Variants in CA10 observed in about 807,000 individuals in gnomAD.
The protein encoded by CA10 is carbonic anhydrase 10 (inactive).
In CA10, 14 loss-of-function variants were observed where a neutral mutation model predicts 44.2. That is an observed-to-expected ratio of 0.32 (90% CI 0.21 to 0.50). The LOEUF (loss-of-function observed/expected upper bound fraction) is 0.50, where lower values mean the gene tolerates loss of function less well. Among genes scored for constraint, CA10 ranks in the 20% least tolerant of loss-of-function variants. The probability of loss-of-function intolerance (pLI) is 0.99; values close to 1 mark genes in which losing one functional copy is unlikely to be tolerated. For synonymous variants in CA10, 159 were observed against 141.6 expected (o/e 1.12, Z -0.87); for missense variants, 350 against 409.7 (o/e 0.85, Z 1.26).
intron 2 of CA10, among the ~76,000 whole-genome samples, chr17:51,938,621 A>C (rs1598128254): frequency 6.6e-6 from 1 of 152,120 alleles, no homozygotes; most frequent in African/African-American, 2.4e-5. Flanking sequence ...GGGAGTTGTC[A>C]GATTACTTAT....
chr17:51,909,196 A>G (rs73348452), intron 3 of CA10, among the ~76,000 whole-genome samples: 1,624 of 152,250 alleles, frequency 0.011, 39 homozygotes, highest in African/African-American at 0.037. Context: ...TCTCTTTCCT[A>G]GCCTCTGTTA....
intron 4 of CA10, among the ~76,000 whole-genome samples, chr17:51,721,736 T>C (rs1916356926): frequency 6.6e-6 from 1 of 152,134 alleles, no homozygotes; most frequent in African/African-American, 2.4e-5. Flanking sequence ...CGAGATTTGA[T>C]GAGCTTCCCG....
chr17:51,872,621 G>A (rs1979869910), intron 3 of CA10, among the ~76,000 whole-genome samples: 1 of 152,122 alleles, frequency 6.6e-6, no homozygotes, highest in Non-Finnish European at 1.5e-5. Flanking sequence ...GGTATACTAG[G>A]TCCTGAACAA....
chr17:51,974,673 T>G (rs923593361), intron 2 of CA10, among the ~76,000 whole-genome samples: 2 of 152,104 alleles, frequency 1.3e-5, no homozygotes, highest in Admixed American at 6.6e-5. Context: ...TGCTGAAAAC[T>G]TATTTTACTA....
At chr17:52,042,567 AT>A (rs999044335) in intron 2 of CA10, among the ~76,000 whole-genome samples, 53 of 151,252 alleles carry the variant, frequency 3.5e-4, no homozygotes, top group African/African-American at 1.3e-3. Flanking sequence ...TTTCATCTTG[AT>A]TTTTTTCTTT....
chr17:51,917,185 A>C (rs1420558531), intron 3 of CA10, among the ~76,000 whole-genome samples: 1 of 152,202 alleles, frequency 6.6e-6, no homozygotes, highest in African/African-American at 2.4e-5. Context: ...TAACACCCCT[A>C]CCATGGTGGA....
chr17:51,861,096 C>T (rs983159867), intron 3 of CA10, among the ~76,000 whole-genome samples: 1 of 152,142 alleles, frequency 6.6e-6, no homozygotes, highest in African/African-American at 2.4e-5. Context: ...GACTAGCAAC[C>T]TGCGTTTCTG....
intron 1 of CA10, among the ~76,000 whole-genome samples, chr17:52,147,387 A>G (rs1266241939): frequency 2.0e-5 from 3 of 152,066 alleles, no homozygotes; most frequent in Admixed American, 2.0e-4. Context: ...GCATAAACAC[A>G]ACTCTCATTC....
intron 3 of CA10, among the ~76,000 whole-genome samples, chr17:51,895,788 CTTTATT>C (rs1253323180): frequency 6.6e-6 from 1 of 151,994 alleles, no homozygotes; most frequent in Non-Finnish European, 1.5e-5. Context: ...GTAGACACTG[CTTTATT>C]TTTATTTGGA....
At chr17:51,953,229 T>C (rs567896516) in intron 2 of CA10, among the ~76,000 whole-genome samples, 1 of 152,290 alleles carries the variant, frequency 6.6e-6, no homozygotes, top group Non-Finnish European at 1.5e-5. Flanking sequence ...TGGATCTAGC[T>C]TTATTTTTCA....
chr17:52,126,171 C>G (rs1054970392), intron 1 of CA10, among the ~76,000 whole-genome samples: 2 of 152,086 alleles, frequency 1.3e-5, no homozygotes, highest in Admixed American at 1.3e-4. Flanking sequence ...CTGGACAAAC[C>G]TGTTAAAGCT....
At chr17:52,151,228 TG>T (rs1161637956) in intron 1 of CA10, among the ~76,000 whole-genome samples, 3 of 152,132 alleles carry the variant, frequency 2.0e-5, no homozygotes, top group African/African-American at 7.2e-5. Flanking sequence ...AGGTTATTTT[TG>T]TAACCCCTAT....
At chr17:52,141,375 G>A (rs1023086505) in intron 1 of CA10, among the ~76,000 whole-genome samples, 4 of 152,112 alleles carry the variant, frequency 2.6e-5, no homozygotes, top group Non-Finnish European at 4.4e-5. Flanking sequence ...TGAAGCTTCC[G>A]AGCTTTTAAA....
chr17:51,956,465 TATTG>T (rs1402104159), intron 2 of CA10, among the ~76,000 whole-genome samples: 1 of 152,234 alleles, frequency 6.6e-6, no homozygotes, highest in Non-Finnish European at 1.5e-5. Context: ...GTAGTTCACT[TATTG>T]AATGTTCTAT....
intron 6 of CA10, among the ~76,000 whole-genome samples, chr17:51,642,272 C>A (rs973415940): frequency 2.0e-5 from 3 of 152,128 alleles, no homozygotes; most frequent in Non-Finnish European, 4.4e-5. Context: ...AATGAAAGTA[C>A]AAGTTCAATT....
chr17:51,873,972 G>A (rs1356771382), intron 3 of CA10, among the ~76,000 whole-genome samples: 4 of 152,184 alleles, frequency 2.6e-5, no homozygotes, highest in Non-Finnish European at 5.9e-5. Context: ...TATTGTGCCT[G>A]GCTTCTATTG....
At chr17:51,906,927 T>C (rs577044983) in intron 3 of CA10, among the ~76,000 whole-genome samples, 3 of 152,288 alleles carry the variant, frequency 2.0e-5, no homozygotes, top group South Asian at 2.1e-4. Flanking sequence ...CTCTTCCAGA[T>C]GACACAGTGG....
intron 1 of CA10, among the ~76,000 whole-genome samples, chr17:52,079,456 CAAA>C (rs35048985): frequency 6.4e-5 from 8 of 125,268 alleles, no homozygotes; most frequent in South Asian, 5.3e-4. Flanking sequence ...GAGACTCCGT[CAAA>C]AAAAAAAAAA....
At chr17:51,638,469 G>T in intron 6 of CA10, among the ~76,000 whole-genome samples, 1 of 152,228 alleles carries the variant, frequency 6.6e-6, no homozygotes, top group East Asian at 1.9e-4. Context: ...AATATGGCCA[G>T]CCTGGGTCTG....
Sources: allele counts gnomAD v4.1 joint callset (sites outside exome capture counted in the v4.1 genomes callset), GRCh38; gene constraint gnomAD v4.1.1; transcripts MANE v1.5; gene names NCBI Gene and HGNC (gene_info 2026-07-23, HGNC 2026-07-21).